Variants in C12orf56 observed in about 807,000 individuals in gnomAD.
C12orf56 encodes chromosome 12 open reading frame 56.
In C12orf56, 71 loss-of-function variants were observed where a neutral mutation model predicts 69.9. The observed-to-expected ratio is 1.02, with a 90% CI of 0.84 to 1.24. The LOEUF (loss-of-function observed/expected upper bound fraction) is 1.24, where lower values mean the gene tolerates loss of function less well. Ranked by LOEUF, C12orf56 falls within the 50% of genes most tolerant of loss-of-function variation. C12orf56 has a pLI of 0.00. For synonymous variants in C12orf56, 276 were observed against 274.1 expected, an observed-to-expected ratio of 1.01 and a Z score of -0.07; for missense variants, 732 against 738.5, an observed-to-expected ratio of 0.99 and a Z score of 0.10.
intron 3 of C12orf56, among the ~76,000 whole-genome samples, chr12:64,319,937 C>G (rs1288421718): frequency 6.6e-6 from 1 of 152,154 alleles, no homozygotes; most frequent in Non-Finnish European, 1.5e-5. Flanking sequence ...TTTGTTACGG[C>G]TCGAGCTGAG....
chr12:64,283,960 T>C (rs10784395), intron 8 of C12orf56, among the ~76,000 whole-genome samples: 107,294 of 148,768 alleles, frequency 0.72, 39,515 homozygotes, highest in Non-Finnish European at 0.8. Flanking sequence ...TGCAATGGTG[T>C]GATCTCAGCT....
chr12:64,373,699 T>A (rs2039603514), intron 1 of C12orf56, among the ~76,000 whole-genome samples: 1 of 152,164 alleles, frequency 6.6e-6, no homozygotes, highest in East Asian at 1.9e-4. Context: ...ATTTAATGAG[T>A]CACCTGATCT....
chr12:64,331,297 T>G (rs1239509090), intron 2 of C12orf56, among the ~76,000 whole-genome samples: 1 of 152,090 alleles, frequency 6.6e-6, no homozygotes, highest in African/African-American at 2.4e-5. Flanking sequence ...GCTCACAAGT[T>G]CAAGACGAGC....
At chr12:64,371,912 T>C (rs945141987) in intron 1 of C12orf56, among the ~76,000 whole-genome samples, 20 of 150,922 alleles carry the variant, frequency 1.3e-4, no homozygotes, top group Non-Finnish European at 1.9e-4. Context: ...TCTTTTTTTT[T>C]TTTTTTTTTT....
At chr12:64,304,019 A>G (rs2038481088) in intron 5 of C12orf56, among the ~76,000 whole-genome samples, 1 of 152,202 alleles carries the variant, frequency 6.6e-6, no homozygotes, top group Non-Finnish European at 1.5e-5. Context: ...TTCCTATACC[A>G]GGAATACTCT....
intron 2 of C12orf56, among the ~76,000 whole-genome samples, chr12:64,347,403 A>G (rs2039159854): frequency 6.7e-6 from 1 of 150,314 alleles, no homozygotes; most frequent in South Asian, 2.1e-4. Context: ...CTCCTACCTC[A>G]GTCTCCTGAG....
chr12:64,358,482 A>AATCATCATCATCATCATC (rs1555193400), intron 1 of C12orf56, among the ~76,000 whole-genome samples: 2,277 of 125,876 alleles, frequency 0.018, 34 homozygotes, highest in Non-Finnish European at 0.025. Context: ...TAATAATAAT[A>AATCATCATCATCATCATC]ATCATCATCA....
At chr12:64,329,592 T>C (rs2038900873) in intron 3 of C12orf56, among the ~76,000 whole-genome samples, 1 of 151,118 alleles carries the variant, frequency 6.6e-6, no homozygotes, top group East Asian at 2.0e-4. Context: ...TAGTTACATA[T>C]GTATACATGT....
At chr12:64,282,993 T>C (rs919258486) in intron 8 of C12orf56, among the ~76,000 whole-genome samples, 4 of 151,058 alleles carry the variant, frequency 2.6e-5, no homozygotes, top group African/African-American at 9.8e-5. Flanking sequence ...AAATACAAAA[T>C]TAACCGGGCA....
At chr12:64,372,477 T>C (rs1403139863) in intron 1 of C12orf56, among the ~76,000 whole-genome samples, 4 of 152,206 alleles carry the variant, frequency 2.6e-5, no homozygotes, top group African/African-American at 9.6e-5. Context: ...ATGGTTTGAA[T>C]TTAATGATCT....
At chr12:64,269,152 G>A (rs1283683714) in intron 12 of C12orf56, among the ~76,000 whole-genome samples, 2 of 105,230 alleles carry the variant, frequency 1.9e-5, no homozygotes, top group Non-Finnish European at 4.2e-5. Flanking sequence ...AAAAAAAAAA[G>A]TCTATAAATT....
intron 6 of C12orf56, among the ~76,000 whole-genome samples, 174 bp from the exon 7 acceptor site, chr12:64,286,234 C>G (rs12582530): frequency 0.13 from 20,401 of 152,246 alleles, 1,883 homozygotes; most frequent in East Asian, 0.43. Context: ...TTCTTACTTA[C>G]ACCCAAGAGA....
intron 6 of C12orf56, among the ~76,000 whole-genome samples, chr12:64,302,877 C>T (rs543186910): frequency 1.3e-5 from 2 of 152,218 alleles, no homozygotes; most frequent in Non-Finnish European, 2.9e-5. Flanking sequence ...GGCTCATGCC[C>T]GTAATCACAG....
rs189401400 is a variant in C12orf56 at position 64,318,862 on chromosome 12, T to C, written c.607A>G (p.Arg203Gly). 16 of 1,537,202 alleles carry C rather than the reference T, an allele frequency of 1.0e-5. No individual in the cohort carries two copies. The highest frequency in any genetic ancestry group is 1.3e-5 in the Non-Finnish European group (15 of 1,146,894). The change falls in exon 4 of 13, where the codon AGG becomes GGG. Residue 203 changes from arginine to glycine, a missense_variant. Coordinates refer to ENST00000543942, the MANE Select transcript of C12orf56 (RefSeq NM_001170633.2). ...AFRPLPSPSR[R>G]SSQSAPTTGK... ...GTTGTTGGTGCAGACTGAGAGCTCC[T>C]CCTGGAGGGGGAAGGTAGGGGTCGA...
chr12:64,330,424 C>A (rs548214546), intron 3 of C12orf56, among the ~76,000 whole-genome samples: 202 of 152,280 alleles, frequency 1.3e-3, no homozygotes, highest in Admixed American at 2.6e-3. Flanking sequence ...CATCTCCAGG[C>A]GCCCTATTCC....
At chr12:64,385,690 C>T (rs2039779357) in intron 1 of C12orf56, among the ~76,000 whole-genome samples, 1 of 152,142 alleles carries the variant, frequency 6.6e-6, no homozygotes, top group Non-Finnish European at 1.5e-5. Flanking sequence ...TCCTGCCTAA[C>T]CAGTCACCAC....
At chr12:64,356,535 A>T (rs960377966) in intron 1 of C12orf56, among the ~76,000 whole-genome samples, 8 of 152,154 alleles carry the variant, frequency 5.3e-5, no homozygotes, top group African/African-American at 1.9e-4. Context: ...AGTCTAAGCT[A>T]ATTCCAATTG....
At chr12:64,352,835 AAT>A (rs530679066) in intron 2 of C12orf56, 57 bp downstream of exon 2, 406 of 1,363,058 alleles carry the variant, frequency 3.0e-4, no homozygotes, top group Admixed American at 8.2e-4. Context: ...AATTTTAAGA[AAT>A]ATATATATAT....
At position 64,308,688 on chromosome 12, in the gene C12orf56, C is replaced by T. The variant is rs549966337; in HGVS notation, c.968+3991G>A. Reference sequence around the variant, plus strand: ...TGAAACCCTTTCTCTATTAAAAACACAAAAATTAGCAGGGCGTGGTGGTGC... The same window carrying T: ...TGAAACCCTTTCTCTATTAAAAACATAAAAATTAGCAGGGCGTGGTGGTGC... On this transcript the variant is annotated intron_variant, in intron 5 of 12. Coordinates refer to ENST00000543942, the MANE Select transcript of C12orf56 (RefSeq NM_001170633.2). Among the ~76,000 whole-genome samples, 263 of 151,316 alleles carry T rather than the reference C, an allele frequency of 1.7e-3. 3 individuals carry two copies. The Middle Eastern group carries it at 0.031, about 18-fold the overall frequency.
Sources: allele counts gnomAD v4.1 joint callset (sites outside exome capture counted in the v4.1 genomes callset), GRCh38; gene constraint gnomAD v4.1.1; transcripts MANE v1.5; gene names NCBI Gene and HGNC (gene_info 2026-07-23, HGNC 2026-07-21).